Variants in CSPP1 observed in about 807,000 individuals in gnomAD.
CSPP1 encodes the protein centrosome and spindle pole associated protein 1.
In CSPP1, 126 loss-of-function variants were observed where a neutral mutation model predicts 164.4. The ratio of observed to expected loss-of-function variants is 0.77; its 90% confidence interval spans 0.66 to 0.89. The LOEUF (loss-of-function observed/expected upper bound fraction) is 0.89, where lower values mean the gene tolerates loss of function less well. Among genes scored for constraint, CSPP1 ranks in the 40% least tolerant of loss-of-function variants. The pLI is 0.00. For missense variants in CSPP1, 1,395 were observed against 1,449.8 expected (o/e 0.96, Z 0.61); for synonymous variants, 472 against 476.7 (o/e 0.99, Z 0.13).
At chr8:67,077,483 A>T (rs1310348272) in intron 3 of CSPP1, among the ~76,000 whole-genome samples, 2 of 152,072 alleles carry the variant, frequency 1.3e-5, no homozygotes, top group Non-Finnish European at 2.9e-5. Context: ...TTACAGGCGC[A>T]TGCCACCACA....
intron 24 of CSPP1, among the ~76,000 whole-genome samples, chr8:67,168,308 C>T (rs867854713): frequency 1.4e-3 from 54 of 38,558 alleles, no homozygotes; most frequent in African/African-American, 3.5e-3. Flanking sequence ...AGAGGGAGGC[C>T]GTGGGGGAGA....
At chr8:67,187,586 A>G (rs970322152) in intron 28 of CSPP1, among the ~76,000 whole-genome samples, 2 of 152,066 alleles carry the variant, frequency 1.3e-5, no homozygotes, top group Admixed American at 1.3e-4. Flanking sequence ...TGGGAGGCTG[A>G]GGTGGGAGGA....
rs774511563 is a variant in CSPP1, at chr8:67,172,500, C to T, written c.2913C>T (p.Gly971=). 5.6e-6 allele frequency: 9 copies of T among 1,613,554 alleles called. No individual in the cohort carries two copies. In the South Asian group the frequency reaches 8.8e-5, roughly 16 times the overall value. ...CTGTCAGAAGACAGTCCCCTAAGGG[C>T]TTAGACGCTGCCACTTTTCAGAATG... The part of the protein sequence containing the change: ...QAPVRRQSPK[G]LDAATFQNVH... Residue 971 remains glycine, a synonymous_variant, in exon 25 of 31, where the codon GGC becomes GGT. Transcript: ENST00000678616.
intron 8 of CSPP1, among the ~76,000 whole-genome samples, chr8:67,103,771 C>T (rs1046554278): frequency 2.8e-5 from 4 of 143,498 alleles, no homozygotes; most frequent in Admixed American, 7.4e-5. Context: ...ACCCAGGAGG[C>T]GGAGCTTGCA....
At chr8:67,185,693 A>G (rs1834373248) in intron 28 of CSPP1, among the ~76,000 whole-genome samples, 1 of 152,226 alleles carries the variant, frequency 6.6e-6, no homozygotes, top group Admixed American at 6.5e-5. Flanking sequence ...AGGTGGTAGC[A>G]AGGTTCCAAA....
chr8:67,130,859 G>C (rs951980778), intron 15 of CSPP1, among the ~76,000 whole-genome samples: 16 of 151,960 alleles, frequency 1.1e-4, no homozygotes, highest in African/African-American at 3.6e-4. Flanking sequence ...GTGGTGGCGG[G>C]TGCTTGTAGT....
At chr8:67,109,600 C>T (rs982039876) in intron 9 of CSPP1, among the ~76,000 whole-genome samples, 1 of 152,068 alleles carries the variant, frequency 6.6e-6, no homozygotes, top group African/African-American at 2.4e-5. Flanking sequence ...ACATAGTAGC[C>T]ATCTTTAAAA....
Position 67,179,851 on chromosome 8 carries a change from T to G in CSPP1, c.3157-12T>G. On this transcript the variant is annotated splice_polypyrimidine_tract_variant and intron_variant, in intron 27 of 30. Coordinates refer to ENST00000678616, the MANE Select transcript of CSPP1 (RefSeq NM_001382391.1). ...ACTAATAAAAATAGTCATTGAAACA[T>G]GTTTCTTTTAGCCCAGAGATGACAC... The G allele has an allele frequency of 6.4e-7, 1 of 1,569,160 alleles. No homozygotes were observed. The highest frequency in any genetic ancestry group is 8.7e-7 in the Non-Finnish European group (1 of 1,144,110).
At chr8:67,170,941 C>G (rs1235260022) in intron 24 of CSPP1, among the ~76,000 whole-genome samples, 1 of 151,700 alleles carries the variant, frequency 6.6e-6, no homozygotes, top group East Asian at 2.0e-4. Context: ...CATGCGCCAC[C>G]CCACCCGGCT....
rs749558548 is a variant in CSPP1 at position 67,193,525 on chromosome 8, ATGT to A, written c.3395_3397del (p.Val1132del). 2.2e-5 allele frequency: 36 copies of A among 1,612,892 alleles called. 1 individual carries two copies. The African/African-American group carries it at 4.0e-4, about 18-fold the overall frequency. ...TCTCTAAAATCTATATCCAGTGTAA[ATGT>A]TGATGAGCTTAGAGTGAGAAATGAG... On this transcript the variant is annotated inframe_deletion, in exon 30 of 31. Coordinates refer to ENST00000678616, the MANE Select transcript of CSPP1 (RefSeq NM_001382391.1).
At chr8:67,070,528 C>G (rs946328665) in intron 1 of CSPP1, among the ~76,000 whole-genome samples, 2 of 150,176 alleles carry the variant, frequency 1.3e-5, no homozygotes, top group African/African-American at 4.9e-5. Context: ...CCCAGTGATT[C>G]TGGTGGCCAA....
intron 16 of CSPP1, among the ~76,000 whole-genome samples, chr8:67,136,082 A>G (rs1822200754): frequency 6.6e-6 from 1 of 152,188 alleles, no homozygotes; most frequent in Non-Finnish European, 1.5e-5. Context: ...GCCCCAAAAC[A>G]ATTATAATAG....
Position 67,093,681 on chromosome 8 carries a change from C to G in CSPP1, c.483+40C>G, listed in dbSNP as rs551135028. On this transcript the variant is annotated intron_variant, in intron 6 of 30. Coordinates refer to ENST00000678616, the MANE Select transcript of CSPP1 (RefSeq NM_001382391.1). ...TGAATTAAATCTGTACTACTACTAC[C>G]ACAGGTTGAATATTTTGTACTTGAA... 9 of 1,072,972 alleles carry G rather than the reference C, an allele frequency of 8.4e-6. No individual in the cohort carries two copies. The African/African-American group carries it at 1.1e-4, about 13-fold the overall frequency. The allele number at this position is 1,072,972 out of a possible 1,614,324, so 66.5% of individuals were successfully genotyped here. A position where few individuals can be genotyped will look rare whatever the true frequency, so the allele number is the denominator to read the frequency against.
intron 29 of CSPP1, among the ~76,000 whole-genome samples, chr8:67,192,074 TTTTG>T (rs1836452598): frequency 1.4e-5 from 2 of 143,984 alleles, no homozygotes; most frequent in African/African-American, 2.6e-5. Context: ...TTGTTTTTTT[TTTTG>T]TTTTTTTTTT....
At position 67,149,887 on chromosome 8, in the gene CSPP1, G is replaced by T. The variant is rs751023936; in HGVS notation, c.2080G>T (p.Ala694Ser). The T allele has an allele frequency of 4.4e-6, 7 of 1,601,378 alleles. No homozygotes were observed. Among genetic ancestry groups the T allele is most frequent in the Non-Finnish European group, 6.0e-6 (7 of 1,175,194 alleles). Reference protein sequence around the residue: ...RAVVSLDPNLATSNAENLEDA... With the variant: ...RAVVSLDPNLSTSNAENLEDA... ...TGTTGTATCTCTAGACCCAAATTTA[G>T]CCACTTCAAATGCTGAGAACCTAGA... The change falls in exon 18 of 31, where the codon GCC becomes TCC. Residue 694 changes from alanine to serine, a missense_variant. Ala to Ser is a moderately conservative substitution (Grantham distance 99). Transcript: ENST00000678616.
rs528658409 is a variant in CSPP1 at position 67,070,354 on chromosome 8, T to C, written c.-10-3889T>C. On this transcript the variant is annotated intron_variant, in intron 1 of 30. Coordinates refer to ENST00000678616, the MANE Select transcript of CSPP1 (RefSeq NM_001382391.1). ...GGTGGGCACCTGTAATCTCAGCTAC[T>C]CGGGAGGCTGAGGCAGGAGAATGGC... 2.6e-5 allele frequency among the ~76,000 whole-genome samples: 4 copies of C among 151,060 alleles called. No homozygotes were observed. The East Asian group carries it at 5.9e-4, about 22-fold the overall frequency.
intron 1 of CSPP1, among the ~76,000 whole-genome samples, chr8:67,070,822 C>T (rs1033077633): frequency 1.3e-5 from 2 of 151,318 alleles, no homozygotes; most frequent in East Asian, 3.9e-4. Context: ...CTCATAAGCT[C>T]ACTGTAGCCT....
chr8:67,146,493 G>A (rs1313474245), intron 17 of CSPP1, among the ~76,000 whole-genome samples: 1 of 152,074 alleles, frequency 6.6e-6, no homozygotes, highest in Non-Finnish European at 1.5e-5. Context: ...CCATCAGTTA[G>A]AATTTTACTC....
intron 24 of CSPP1, among the ~76,000 whole-genome samples, chr8:67,167,892 G>T (rs1160642386): frequency 6.6e-6 from 1 of 152,052 alleles, no homozygotes; most frequent in Non-Finnish European, 1.5e-5. Context: ...TCCCAGACGG[G>T]GTGGCGGCCG....
Sources: allele counts gnomAD v4.1 joint callset (sites outside exome capture counted in the v4.1 genomes callset), GRCh38; gene constraint gnomAD v4.1.1; transcripts MANE v1.5; gene names NCBI Gene and HGNC (gene_info 2026-07-23, HGNC 2026-07-21).